PBRM1: variants seen among roughly 807,000 people sequenced by gnomAD.
The protein encoded by PBRM1 is polybromo 1.
Under a neutral mutation model 194.5 loss-of-function variants are expected in PBRM1, and 27 were observed. The ratio of observed to expected loss-of-function variants is 0.14; its 90% CI spans 0.10 to 0.19. PBRM1 has a LOEUF of 0.19. Among genes scored for constraint, PBRM1 ranks in the 10% least tolerant of loss-of-function variants. PBRM1 has a pLI of 1.00. For synonymous variants in PBRM1, 655 were observed against 693.2 expected (o/e 0.94, Z 0.87); for missense variants, 1,466 against 2,077.2 (o/e 0.71, Z 5.72).
chr3:52,556,261 A>G (rs1256864693), intron 26 of PBRM1, among the ~76,000 whole-genome samples: 1 of 152,222 alleles, frequency 6.6e-6, no homozygotes, highest in Non-Finnish European at 1.5e-5. Flanking sequence ...CTAACTTACA[A>G]TTACATAAAC....
chr3:52,663,036 ATCT>A (rs2096758595), intron 3 of PBRM1, among the ~76,000 whole-genome samples: 1 of 152,260 alleles, frequency 6.6e-6, no homozygotes, highest in African/African-American at 2.4e-5. Flanking sequence ...CTTGACTGAA[ATCT>A]TCTAGTAAAA....
intron 21 of PBRM1, 63 bp downstream of exon 23, chr3:52,578,990 TA>T (rs757991570): frequency 6.6e-7 from 1 of 1,514,536 alleles, no homozygotes; most frequent in Non-Finnish European, 9.2e-7. Context: ...GAAGGGTGAC[TA>T]ATTTCTACTG....
At chr3:52,652,668 C>T (rs1399868585) in intron 5 of PBRM1, among the ~76,000 whole-genome samples, 4 of 148,890 alleles carry the variant, frequency 2.7e-5, no homozygotes, top group African/African-American at 7.4e-5. Flanking sequence ...CCAGCCTGGG[C>T]GGCACAGCAA....
Position 52,673,597 on chromosome 3 carries a change from A to C in PBRM1, c.236+4903T>G, listed in dbSNP as rs536993414. Among the ~76,000 whole-genome samples the C allele has an allele frequency of 1.3e-3, 187 of 142,270 alleles. 3 individuals are homozygous for C. Among genetic ancestry groups the C allele is most frequent in the African/African-American group, 3.3e-3 (124 of 38,134 alleles). The allele number at this position is 142,270 out of a possible 152,430, so 93.3% of individuals were successfully genotyped here. On this transcript the variant is annotated intron_variant, in intron 2 of 29. Transcript: ENST00000296302. ...TGAGGCAGGACAATTGCTTGAACCC[A>C]GGAGGTGGAAGTTGCAGTGAGCCAA... is the stretch of plus-strand genomic sequence containing the variant.
intron 13 of PBRM1, among the ~76,000 whole-genome samples, chr3:52,622,949 T>C (rs1185963724): frequency 3.3e-5 from 5 of 152,240 alleles, no homozygotes; most frequent in African/African-American, 1.2e-4. Flanking sequence ...TTAAACACTA[T>C]GCACTCTCAT....
At chr3:52,592,480 T>C (rs993791555) in intron 17 of PBRM1, among the ~76,000 whole-genome samples, 1 of 152,238 alleles carries the variant, frequency 6.6e-6, no homozygotes, top group Non-Finnish European at 1.5e-5. Flanking sequence ...GATTTGCGTA[T>C]GCTGAACCAA....
exon 5 of PBRM1, chr3:52,658,268 G>C: frequency 6.2e-7 from 1 of 1,613,074 alleles, no homozygotes; most frequent in Non-Finnish European, 8.5e-7. Context: ...CTACAACTAT[G>C]GCTTCAAGAA....
At position 52,636,757 on chromosome 3, in the gene PBRM1, CAAAAAAAAAAAAAA is replaced by C. The variant is rs567776784; in HGVS notation, c.1088-1956_1088-1943del. ...GGGCAAAAGAGTGAAACTCTGTCTC[CAAAAAAAAAAAAAA>C]AAAAAAAAAAAAAAAGAATTTAATT... On this transcript the variant is annotated intron_variant, in intron 10 of 29. Transcript: ENST00000296302. 1.6e-3 allele frequency among the ~76,000 whole-genome samples: 30 copies of C among 18,684 alleles called. No individual in the cohort carries two copies. The South Asian group carries it at 0.058, about 36-fold the overall frequency. The allele number at this position is 18,684 out of a possible 152,430, so 12.3% of individuals were successfully genotyped here.
At chr3:52,674,342 G>T (rs959244425) in intron 2 of PBRM1, among the ~76,000 whole-genome samples, 2 of 150,708 alleles carry the variant, frequency 1.3e-5, no homozygotes, top group Non-Finnish European at 3.0e-5. Context: ...TTAGCTGGGC[G>T]TGGTGGCCCA....
exon 7 of PBRM1, chr3:52,648,392 G>C (rs148664439): frequency 6.2e-7 from 1 of 1,609,512 alleles, no homozygotes; most frequent in Non-Finnish European, 8.5e-7. Flanking sequence ...CATTTTTTGC[G>C]AGGAGATCTA....
At chr3:52,625,815 T>C (rs1194796839) in intron 13 of PBRM1, among the ~76,000 whole-genome samples, 1 of 152,106 alleles carries the variant, frequency 6.6e-6, no homozygotes, top group African/African-American at 2.4e-5. Flanking sequence ...TGACCTCAAG[T>C]GATCCACCTG....
intron 20 of PBRM1, among the ~76,000 whole-genome samples, chr3:52,580,804 G>C (rs1353573447): frequency 1.3e-5 from 2 of 152,166 alleles, no homozygotes; most frequent in African/African-American, 2.4e-5. Flanking sequence ...AGATAGGGTT[G>C]TTTACGAAGC....
At chr3:52,659,870 T>A (rs1398005126) in intron 4 of PBRM1, among the ~76,000 whole-genome samples, 1 of 152,184 alleles carries the variant, frequency 6.6e-6, no homozygotes, top group Non-Finnish European at 1.5e-5. Flanking sequence ...AGTGGGAGGA[T>A]CACCTGAGGT....
intron 27 of PBRM1, among the ~76,000 whole-genome samples, chr3:52,552,398 G>A (rs573254216): frequency 8.3e-4 from 127 of 152,274 alleles, no homozygotes; most frequent in African/African-American, 2.9e-3. Flanking sequence ...GCTCAGACAT[G>A]TGCATTTGTA....
At chr3:52,658,033 T>TCC (rs2096642210) in intron 5 of PBRM1, among the ~76,000 whole-genome samples, 166 bp downstream of exon 6, 1 of 151,796 alleles carries the variant, frequency 6.6e-6, no homozygotes, top group Admixed American at 6.6e-5. Flanking sequence ...CCTCAGATGA[T>TCC]CCACCTGCCT....
intron 14 of PBRM1, 81 bp downstream of exon 16, chr3:52,617,181 C>T: frequency 9.2e-7 from 1 of 1,090,636 alleles, no homozygotes; most frequent in Non-Finnish European, 1.3e-6. Context: ...GCCTCTAGAG[C>T]TGGTCTCTCA....
In PBRM1 at chr3:52,589,262, TA is replaced by T. The variant is rs1436687424; in HGVS notation, c.2780-8del. 2.0e-6 allele frequency: 3 copies of T among 1,505,888 alleles called. No individual in the cohort carries two copies. The South Asian group carries it at 4.0e-5, about 20-fold the overall frequency. 93.3% of individuals were successfully genotyped at this position (1,505,888 alleles called of 1,614,324 possible). ...TCTTCACTCTTTTCAGCTTCTTAGG[TA>T]AAAAAATAAATAAATAAAGGAAAAA... On this transcript the variant is annotated splice_region_variant and splice_polypyrimidine_tract_variant and intron_variant, in intron 17 of 29. Coordinates refer to ENST00000296302, the Ensembl canonical transcript of PBRM1.
intron 29 of PBRM1, 152 bp from the exon 32 acceptor site, chr3:52,548,387 T>G: frequency 1.8e-6 from 1 of 558,734 alleles, no homozygotes; most frequent in Non-Finnish European, 3.0e-6. Context: ...CCAGGCACAT[T>G]TCTTATATCA....
intron 3 of PBRM1, among the ~76,000 whole-genome samples, chr3:52,667,028 C>T (rs965528477): frequency 1.2e-4 from 18 of 152,170 alleles, no homozygotes; most frequent in African/African-American, 3.9e-4. Flanking sequence ...ATGACAGCAA[C>T]GATTGCGAAC....
Sources: gnomAD v4.1 joint callset for allele counts (sites outside exome capture counted in the v4.1 genomes callset) on GRCh38, gnomAD v4.1.1 for gene constraint, MANE v1.5 for transcripts, NCBI Gene and HGNC (gene_info 2026-07-23, HGNC 2026-07-21) for gene names.